The following ZMYND8 variants were observed in gnomAD, a reference collection of about 807,000 sequenced individuals.
ZMYND8 encodes zinc finger MYND-type containing 8, also known as MYND-type zinc finger-containing chromatin reader ZMYND8.
Under a neutral mutation model 140.8 loss-of-function variants are expected in ZMYND8, and 37 were observed. The observed-to-expected ratio is 0.26, with a 90% CI of 0.20 to 0.35. The LOEUF (loss-of-function observed/expected upper bound fraction) is 0.35. Among genes scored for constraint, ZMYND8 ranks in the 10% least tolerant of loss-of-function variants. The probability of loss-of-function intolerance (pLI) is 1.00; values close to 1 mark genes in which losing one functional copy is unlikely to be tolerated. For missense variants in ZMYND8, 1,068 were observed against 1,570.0 expected (o/e 0.68, Z 5.40); for synonymous variants, 592 against 597.1 (o/e 0.99, Z 0.12).
chr20:47,271,925 C>T (rs571972408), intron 11 of ZMYND8, among the ~76,000 whole-genome samples: 3 of 151,906 alleles, frequency 2.0e-5, no homozygotes, highest in South Asian at 2.1e-4. Flanking sequence ...TCAAGTGATC[C>T]GCCCACCTCG....
chr20:47,329,507 C>A (rs533502101), intron 2 of ZMYND8, among the ~76,000 whole-genome samples: 7 of 152,190 alleles, frequency 4.6e-5, no homozygotes, highest in South Asian at 2.1e-4. Flanking sequence ...CGAGTTCAAG[C>A]GATTCTCCAG....
chr20:47,356,288 A>G, intron 1 of ZMYND8: 4 of 1,226,000 alleles, frequency 3.3e-6, no homozygotes, highest in African/African-American at 1.6e-5. Context: ...GAGGGGGGGA[A>G]CTGCTCAGAG....
chr20:47,318,148 G>A (rs1177097158), intron 2 of ZMYND8, among the ~76,000 whole-genome samples: 3 of 152,004 alleles, frequency 2.0e-5, no homozygotes, highest in East Asian at 1.9e-4. Flanking sequence ...GGAAAACACC[G>A]GCCTGTGTAG....
intron 16 of ZMYND8, among the ~76,000 whole-genome samples, chr20:47,234,703 A>G (rs2038981764): frequency 6.6e-6 from 1 of 152,256 alleles, no homozygotes; most frequent in African/African-American, 2.4e-5. Context: ...CAGAAGAAAT[A>G]AAAAGAAACA....
intron 2 of ZMYND8, among the ~76,000 whole-genome samples, chr20:47,341,928 G>A (rs1259543889): frequency 6.6e-5 from 10 of 151,856 alleles, no homozygotes; most frequent in Admixed American, 2.0e-4. Context: ...GCGTGAACCC[G>A]GGAGGCGGAG....
intron 2 of ZMYND8, among the ~76,000 whole-genome samples, chr20:47,342,859 A>G (rs1315789449): frequency 4.0e-5 from 6 of 151,744 alleles, no homozygotes; most frequent in African/African-American, 1.2e-4. Context: ...AAAAAAAAAA[A>G]AAAGAAAAGA....
At chr20:47,248,937 A>G (rs1306773609) in intron 13 of ZMYND8, among the ~76,000 whole-genome samples, 3 of 151,446 alleles carry the variant, frequency 2.0e-5, no homozygotes, top group African/African-American at 4.9e-5. Context: ...CACCTACAGA[A>G]CACACTCACT....
intron 21 of ZMYND8, 32 bp from the exon 22 acceptor site, chr20:47,212,757 TG>T: frequency 1.9e-6 from 3 of 1,571,992 alleles, no homozygotes; most frequent in Non-Finnish European, 2.6e-6. Context: ...CCTCAGAGTC[TG>T]TCAGAGAGCT....
intron 11 of ZMYND8, among the ~76,000 whole-genome samples, chr20:47,270,394 T>TA (rs2075842189): frequency 8.7e-4 from 2 of 2,312 alleles, no homozygotes; most frequent in Non-Finnish European, 1.4e-3. Context: ...AAAAAAAAAG[T>TA]TTTTTTAATG....
chr20:47,220,359 C>T (rs1468697969), intron 20 of ZMYND8, 35 bp from the exon 21 acceptor site: 2 of 1,518,828 alleles, frequency 1.3e-6, no homozygotes, highest in East Asian at 2.5e-5. Context: ...GGACTCAAGG[C>T]ACTGAGGCTA....
intron 2 of ZMYND8, among the ~76,000 whole-genome samples, chr20:47,346,849 T>C (rs58343618): frequency 0.26 from 40,134 of 152,146 alleles, 9,442 homozygotes; most frequent in African/African-American, 0.64. Flanking sequence ...CTCGTGATGG[T>C]CCGCCTTGGC....
Position 47,290,258 on chromosome 20 carries a change from A to G in ZMYND8, c.677T>C (p.Met226Thr), listed in dbSNP as rs200758360. 2.5e-6 allele frequency: 4 copies of G among 1,613,136 alleles called. No individual in the cohort carries two copies. The highest frequency in any genetic ancestry group is 2.7e-5 in the African/African-American group (2 of 74,956). ...CTLEKNAKKK[M>T]YGCTEAFLAD... ...CAGGAAGGCTTCTGTGCAGCCATAC[A>G]TTTTCTTTTTCGCATTCTGGGAAGA... Residue 226 changes from methionine to threonine, a missense_variant, in exon 7 of 23, where the codon ATG becomes ACG. Around this residue, in one of 10 missense-constraint regions of ZMYND8, gnomAD observed 109 missense variants for 314.9 expected, o/e 0.35. Coordinates refer to ENST00000471951, the MANE Select transcript of ZMYND8 (RefSeq NM_001281775.3).
intron 12 of ZMYND8, among the ~76,000 whole-genome samples, chr20:47,255,804 G>GTGTA (rs1555925599): frequency 8.7e-6 from 1 of 114,482 alleles, no homozygotes; most frequent in Non-Finnish European, 1.7e-5. Flanking sequence ...TATATATACC[G>GTGTA]TATATATATA....
At chr20:47,255,742 A>ACCGTG (rs1485369707) in intron 12 of ZMYND8, among the ~76,000 whole-genome samples, 4 of 55,812 alleles carry the variant, frequency 7.2e-5, no homozygotes, top group African/African-American at 3.2e-4. Flanking sequence ...ATATATATAT[A>ACCGTG]TATATATATA....
rs145268125 is a variant in ZMYND8, at chr20:47,268,184, T to A, written c.1481-5756A>T. Among the ~76,000 whole-genome samples, 3 of 152,102 alleles carry A rather than the reference T, an allele frequency of 2.0e-5. No homozygotes were observed. The East Asian group carries it at 5.8e-4, about 29-fold the overall frequency. ...AATAAACAAACAATGACGAGGCCGG[T>A]CGCAGTGAGTCTCGACTGGTCCAAC... On this transcript the variant is annotated intron_variant, in intron 11 of 22. Coordinates refer to ENST00000471951, the MANE Select transcript of ZMYND8 (RefSeq NM_001281775.3).
Position 47,209,375 on chromosome 20 carries a change from A to G in ZMYND8, c.*1386T>C, listed in dbSNP as rs2034972132. The G allele has an allele frequency of 6.6e-6, 1 of 152,246 alleles. No homozygotes were observed. Among genetic ancestry groups the G allele is most frequent in the South Asian group, 2.1e-4 (1 of 4,836 alleles). The allele number at this position is 152,246 out of a possible 1,614,324, so 9.4% of individuals were successfully genotyped here. Reference sequence around the variant, plus strand: ...CAAAAAGATATTTAAGTTTAATACAAATTTTATACAAAGAAAATGTGAAAA... The same window carrying G: ...CAAAAAGATATTTAAGTTTAATACAGATTTTATACAAAGAAAATGTGAAAA... On this transcript the variant is annotated 3_prime_UTR_variant, in exon 23 of 23. Coordinates refer to ENST00000471951, the MANE Select transcript of ZMYND8 (RefSeq NM_001281775.3).
At chr20:47,319,069 G>A (rs543993786) in intron 2 of ZMYND8, 4 of 1,337,112 alleles carry the variant, frequency 3.0e-6, no homozygotes, top group Admixed American at 3.9e-5. Context: ...CTCCCAGGGG[G>A]AGGAGGAAGA....
intron 10 of ZMYND8, among the ~76,000 whole-genome samples, chr20:47,278,924 C>G (rs953893028): frequency 6.6e-6 from 1 of 151,996 alleles, no homozygotes; most frequent in Non-Finnish European, 1.5e-5. Flanking sequence ...AATGACTCCC[C>G]CTTCCTGAGC....
At chr20:47,332,852 A>G (rs923769304) in intron 2 of ZMYND8, among the ~76,000 whole-genome samples, 2 of 152,258 alleles carry the variant, frequency 1.3e-5, no homozygotes, top group Non-Finnish European at 2.9e-5. Flanking sequence ...AAACTCAGAC[A>G]TGAACACTCA....
Sources: gnomAD v4.1 joint callset for allele counts (sites outside exome capture counted in the v4.1 genomes callset) on GRCh38, gnomAD v4.1.1 for gene constraint, gnomAD v4.1.1 regional missense constraint, MANE v1.5 for transcripts, NCBI Gene and HGNC (gene_info 2026-07-23, HGNC 2026-07-21) for gene names.